DNAH7: variants seen among roughly 807,000 people sequenced by gnomAD.
The protein encoded by DNAH7 is axonemal beta dynein heavy chain 7.
A neutral mutation model predicts 444.6 loss-of-function variants in DNAH7; 397 were observed. The ratio of observed to expected loss-of-function variants is 0.89; its 90% CI spans 0.82 to 0.97. DNAH7 has a LOEUF of 0.97. Among genes scored for constraint, DNAH7 ranks in the 50% least tolerant of loss-of-function variants. The pLI, the probability that DNAH7 is intolerant of heterozygous loss-of-function variation, is 0.00. For missense variants in DNAH7, 4,902 were observed against 4,800.8 expected, an observed-to-expected ratio of 1.02 and a Z score of -0.62; for synonymous variants, 1,636 against 1,624.4, an observed-to-expected ratio of 1.01 and a Z score of -0.17.
chr2:195,927,337 T>C (rs1050830655), intron 21 of DNAH7, among the ~76,000 whole-genome samples: 1 of 152,088 alleles, frequency 6.6e-6, no homozygotes, highest in African/African-American at 2.4e-5. Flanking sequence ...CTGAAAAATA[T>C]CTCAGGATGG....
chr2:195,915,711 G>A (rs369817780), intron 24 of DNAH7, among the ~76,000 whole-genome samples: 5 of 152,148 alleles, frequency 3.3e-5, no homozygotes, highest in African/African-American at 1.2e-4. Context: ...TGGAGTCATC[G>A]TGTGGCTCTC....
intron 61 of DNAH7, 30 bp from the exon 62 acceptor site, chr2:195,756,315 A>G (rs1694071183): frequency 2.6e-6 from 4 of 1,566,766 alleles, no homozygotes; most frequent in Non-Finnish European, 3.5e-6. Context: ...GGTTAATATA[A>G]TAGTATAGAT....
At chr2:196,040,872 C>G (rs1251763720) in intron 5 of DNAH7, among the ~76,000 whole-genome samples, 1 of 151,956 alleles carries the variant, frequency 6.6e-6, no homozygotes, top group Non-Finnish European at 1.5e-5. Context: ...TTCAGCAAAG[C>G]TGCAAGATAC....
chr2:195,834,189 G>T lies in DNAH7; in HGVS notation c.9100+17C>A. 1 of 1,596,200 alleles carries T rather than the reference G, an allele frequency of 6.3e-7. No individual in the cohort carries two copies. Among genetic ancestry groups the T allele is most frequent in the Non-Finnish European group, 8.6e-7 (1 of 1,167,276 alleles). Reference sequence around the variant, plus strand: ...CCAGGCAGTTCTGTAATGTATCTTAGTTATTCAACTACATACCAGGAGTAC... The same window carrying T: ...CCAGGCAGTTCTGTAATGTATCTTATTTATTCAACTACATACCAGGAGTAC... On this transcript the variant is annotated intron_variant, in intron 48 of 64. Coordinates refer to ENST00000312428, the MANE Select transcript of DNAH7 (RefSeq NM_018897.3).
intron 51 of DNAH7, among the ~76,000 whole-genome samples, chr2:195,813,450 C>G (rs996191553): frequency 6.6e-6 from 1 of 152,152 alleles, no homozygotes; most frequent in Non-Finnish European, 1.5e-5. Flanking sequence ...ATCTAAACAT[C>G]AAGGGAGATA....
chr2:195,754,044 T>TA lies in DNAH7; in HGVS notation c.11764+292dup, dbSNP rs1369022757. 2.6e-5 allele frequency among the ~76,000 whole-genome samples: 4 copies of TA among 152,152 alleles called. No homozygotes were observed. The East Asian group carries it at 7.7e-4, about 29-fold the overall frequency. ...AACATTTTAGGAATAACTTCTAACTTACAAAATTTTGCAAAAAGTACAAAG... is the reference window on the plus strand; with the variant it reads ...AACATTTTAGGAATAACTTCTAACTTAACAAAATTTTGCAAAAAGTACAAAG... On this transcript the variant is annotated intron_variant, in intron 63 of 64. Transcript: ENST00000312428.
intron 18 of DNAH7, among the ~76,000 whole-genome samples, chr2:195,959,079 ATTAAT>A (rs1344571958): frequency 1.3e-5 from 2 of 152,074 alleles, no homozygotes; most frequent in Admixed American, 6.5e-5. Context: ...TAATTAATTA[ATTAAT>A]TTAATTAAAT....
intron 48 of DNAH7, among the ~76,000 whole-genome samples, chr2:195,829,213 TTC>T (rs1479546709): frequency 6.6e-6 from 1 of 152,190 alleles, no homozygotes; most frequent in Admixed American, 6.5e-5. Context: ...TGATTTAATA[TTC>T]TTTTTGGAAT....
intron 1 of DNAH7, among the ~76,000 whole-genome samples, chr2:196,066,523 G>T (rs1698438160): frequency 6.6e-6 from 1 of 152,164 alleles, no homozygotes; most frequent in Admixed American, 6.5e-5. Context: ...TATCTGTGGG[G>T]AGCTTCCTGG....
intron 19 of DNAH7, among the ~76,000 whole-genome samples, chr2:195,939,377 C>T (rs1456219058): frequency 6.6e-6 from 1 of 152,088 alleles, no homozygotes; most frequent in Non-Finnish European, 1.5e-5. Context: ...GAATCGCCAT[C>T]AAATCCTGGT....
At chr2:195,836,239 C>A (rs1372943494) in intron 47 of DNAH7, among the ~76,000 whole-genome samples, 1 of 152,096 alleles carries the variant, frequency 6.6e-6, no homozygotes, top group Non-Finnish European at 1.5e-5. Flanking sequence ...TGTTCAGGGC[C>A]AGCATGGTGG....
intron 9 of DNAH7, 95 bp from the exon 10 acceptor site, chr2:196,013,001 A>T: frequency 1.2e-6 from 1 of 857,322 alleles, no homozygotes. Flanking sequence ...TCATATTCCT[A>T]GGTTTAATCA....
rs1205957328 is a variant in DNAH7 at position 196,034,804 on chromosome 2, T to A, written c.399-6757A>T. Among the ~76,000 whole-genome samples, 5 of 152,174 alleles carry A rather than the reference T, an allele frequency of 3.3e-5. No individual in the cohort carries two copies. The East Asian group carries it at 9.6e-4, about 29-fold the overall frequency. Reference sequence around the variant, plus strand: ...TTTGAACATTTATATGCCAAAAAATTGAACATCAAACCGTACCTTACACCA... The same window carrying A: ...TTTGAACATTTATATGCCAAAAAATAGAACATCAAACCGTACCTTACACCA... On this transcript the variant is annotated intron_variant, in intron 5 of 64. Transcript: ENST00000312428.
At chr2:195,936,409 T>G (rs1051405317) in intron 20 of DNAH7, among the ~76,000 whole-genome samples, 190 bp downstream of exon 20, 3 of 151,998 alleles carry the variant, frequency 2.0e-5, no homozygotes, top group African/African-American at 4.8e-5. Context: ...AGAAAACGAT[T>G]CCACGGTTCA....
At chr2:195,886,380 T>A in intron 33 of DNAH7, 108 bp from the exon 34 acceptor site, 1 of 1,026,782 alleles carries the variant, frequency 9.7e-7, no homozygotes, top group Non-Finnish European at 1.4e-6. Flanking sequence ...GTAGTAATAA[T>A]TTTAAATTCA....
intron 50 of DNAH7, 40 bp from the exon 51 acceptor site, chr2:195,817,003 AT>A: frequency 3.6e-6 from 5 of 1,395,374 alleles, no homozygotes; most frequent in Non-Finnish European, 4.8e-6. Context: ...AAAAGAAGTC[AT>A]TTAAAATCAT....
At chr2:195,738,516 G>A (rs1163347399) in intron 64 of DNAH7, among the ~76,000 whole-genome samples, 2 of 152,044 alleles carry the variant, frequency 1.3e-5, no homozygotes, top group Non-Finnish European at 2.9e-5. Flanking sequence ...AAATTCTGAA[G>A]GGATTTTTAT....
At chr2:196,017,242 T>A (rs1215117247) in intron 9 of DNAH7, among the ~76,000 whole-genome samples, 3 of 152,222 alleles carry the variant, frequency 2.0e-5, no homozygotes, top group Admixed American at 2.0e-4. Context: ...CTTGAACTCC[T>A]GACCTTGTGA....
intron 63 of DNAH7, among the ~76,000 whole-genome samples, chr2:195,750,764 A>G (rs142477597): frequency 1.9e-4 from 29 of 152,314 alleles, no homozygotes; most frequent in Admixed American, 9.2e-4. Context: ...ATTCAGTGTA[A>G]TGGACTGGGC....
Sources: allele counts gnomAD v4.1 joint callset (sites outside exome capture counted in the v4.1 genomes callset), GRCh38; gene constraint gnomAD v4.1.1; transcripts MANE v1.5; gene names NCBI Gene and HGNC (gene_info 2026-07-23, HGNC 2026-07-21).